Variants in ATXN2L observed in about 807,000 individuals in gnomAD.
ATXN2L encodes ataxin-2-like protein.
A neutral mutation model predicts 120.7 loss-of-function variants in ATXN2L; 24 were observed. That is an observed-to-expected ratio of 0.20 (90% CI 0.14 to 0.28). ATXN2L has a LOEUF of 0.28. Among genes scored for constraint, ATXN2L ranks in the 10% least tolerant of loss-of-function variants. The pLI is 1.00. For synonymous variants in ATXN2L, 653 were observed against 568.1 expected (o/e 1.15, Z -2.13); for missense variants, 1,312 against 1,432.3 (o/e 0.92, Z 1.36).
At position 28,826,652 on chromosome 16, in the gene ATXN2L, T is replaced by C. The variant is rs938443512; in HGVS notation, c.617-210T>C. ...TTTTCTTTGCTTGGTTTTTAACTTCTTTTTTCTTTGGAATCATAGTACTGA... is the reference window on the plus strand; with the variant it reads ...TTTTCTTTGCTTGGTTTTTAACTTCCTTTTTCTTTGGAATCATAGTACTGA... On this transcript the variant is annotated intron_variant, in intron 5 of 21. Transcript: ENST00000336783. The C allele has an allele frequency of 6.0e-6, 4 of 663,854 alleles. No homozygotes were observed. The Admixed American group carries it at 1.3e-4, about 22-fold the overall frequency. 41.1% of individuals were successfully genotyped at this position (663,854 alleles called of 1,614,324 possible). A position where few individuals can be genotyped will look rare whatever the true frequency, so the allele number is the denominator to read the frequency against.
rs897124306 is a variant in ATXN2L, at chr16:28,824,448, C to A, written c.299+890C>A. On this transcript the variant is annotated intron_variant, in intron 1 of 21. Coordinates refer to ENST00000336783, the MANE Select transcript of ATXN2L (RefSeq NM_007245.4). ...GATGGCTTTTGCGGCTGCGCTGTCC[C>A]CCAGCCCCGCCAGCGGCCCCCTCTT... The A allele has an allele frequency of 8.5e-6, 11 of 1,286,978 alleles. No individual in the cohort carries two copies. In the South Asian group the frequency reaches 1.2e-4, roughly 15 times the overall value. 79.7% of individuals were successfully genotyped at this position (1,286,978 alleles called of 1,614,324 possible). A position where few individuals can be genotyped will look rare whatever the true frequency, so the allele number is the denominator to read the frequency against.
rs970040406 is a variant in ATXN2L at position 28,834,000 on chromosome 16, C to T, written c.2026-65C>T. Reference sequence around the variant, plus strand: ...ATTTCACGAATGTTAATTATTACCACTCTAGGCATGGCCAGGAGTAGAGGG... The same window carrying T: ...ATTTCACGAATGTTAATTATTACCATTCTAGGCATGGCCAGGAGTAGAGGG... On this transcript the variant is annotated intron_variant, in intron 15 of 21. Transcript: ENST00000336783. 8 of 1,551,872 alleles carry T rather than the reference C, an allele frequency of 5.2e-6. No individual in the cohort carries two copies. The Admixed American group carries it at 5.4e-5, about 11-fold the overall frequency.
intron 12 of ATXN2L, 50 bp downstream of exon 12, chr16:28,832,617 G>A: frequency 6.3e-7 from 1 of 1,579,866 alleles, no homozygotes. Flanking sequence ...TTGTCTGGGG[G>A]AGAGTATTTC....
At chr16:28,830,527 A>AG (rs2053986744) in intron 8 of ATXN2L, 88 bp from the exon 9 acceptor site, 23 of 1,310,274 alleles carry the variant, frequency 1.8e-5, no homozygotes, top group Non-Finnish European at 2.2e-5. Context: ...TGGGGGCAGA[A>AG]GGGGGAGACT....
At chr16:28,827,944 A>ATTGTT (rs1258766317) in intron 6 of ATXN2L, among the ~76,000 whole-genome samples, 1 of 152,062 alleles carries the variant, frequency 6.6e-6, no homozygotes, top group Non-Finnish European at 1.5e-5. Flanking sequence ...TGAATATATT[A>ATTGTT]TTGTTTTGTT....
At chr16:28,824,220 T>C (rs756872933) in intron 1 of ATXN2L, 2 of 1,091,656 alleles carry the variant, frequency 1.8e-6, no homozygotes, top group Non-Finnish European at 2.3e-6. Context: ...GGGCAGGGAC[T>C]AGTTCGTGGA....
chr16:28,835,834 T>A, intron 21 of ATXN2L, 76 bp downstream of exon 21: 1 of 1,595,646 alleles, frequency 6.3e-7, no homozygotes, highest in Non-Finnish European at 8.6e-7. Flanking sequence ...CATTGCCAAG[T>A]CCCTGGTGCC....
chr16:28,833,787 G>C (rs2055434847), intron 15 of ATXN2L: 1 of 609,120 alleles, frequency 1.6e-6, no homozygotes, highest in Admixed American at 3.0e-5. Flanking sequence ...GGCTGAGGGA[G>C]TATTGGAGTG....
chr16:28,833,968 A>C, intron 15 of ATXN2L, 97 bp from the exon 16 acceptor site: 1 of 1,341,020 alleles, frequency 7.5e-7, no homozygotes, highest in Non-Finnish European at 1.0e-6. Flanking sequence ...TATGTTTGGT[A>C]TGCAGCATTT....
At position 28,834,346 on chromosome 16, in the gene ATXN2L, C is replaced by A. The variant is rs745864476; in HGVS notation, c.2176C>A (p.Pro726Thr). ...TCATCTGTGTCCTCATCCCCAGGCA[C>A]CTCAGATGTATCCATATCCTGTATC... is the stretch of plus-strand genomic sequence containing the variant. ...QIHMGPAVQAPQMYPYPVSNS... is the reference protein window; with the variant it reads ...QIHMGPAVQATQMYPYPVSNS... Residue 726 changes from proline (P) to threonine (T), a missense_variant, in exon 17 of 22, where the codon CCT becomes ACT. By Grantham distance (38) the Pro-to-Thr change is conservative (BLOSUM62 -1). Transcript: ENST00000336783. 3.7e-6 allele frequency: 6 copies of A among 1,613,924 alleles called. No homozygotes were observed. The Admixed American group carries it at 5.0e-5, about 13-fold the overall frequency.
chr16:28,827,703 T>A (rs192479606), intron 6 of ATXN2L, among the ~76,000 whole-genome samples: 2 of 152,280 alleles, frequency 1.3e-5, no homozygotes. Flanking sequence ...ATTGTGCCAC[T>A]GGACTCCAGT....
rs147688158 is a variant in ATXN2L at position 28,834,555 on chromosome 16, G to A, written c.2295G>A (p.Pro765=). Reference sequence around the variant, plus strand: ...ACCAACACCAGCCAGCCTCAGCCCCGCCGATGATGCAGGCCGCCGCGGCTG... The same window carrying A: ...ACCAACACCAGCCAGCCTCAGCCCCACCGATGATGCAGGCCGCCGCGGCTG... ...RSDQHQPASA[P]PMMQAAAAAG... is the part of the protein sequence containing the mutation. Residue 765 remains proline, a synonymous_variant, in exon 18 of 22, where the codon CCG becomes CCA. Transcript: ENST00000336783. The A allele has an allele frequency of 1.1e-4, 174 of 1,612,082 alleles. No homozygotes were observed. The highest frequency in any genetic ancestry group is 4.9e-4 in the Middle Eastern group (3 of 6,082).
Position 28,834,674 on chromosome 16 carries a change from T to TG in ATXN2L, c.2416dup (p.Ala806GlyfsTer225). On this transcript the variant is annotated frameshift_variant, in exon 18 of 22. Coordinates refer to ENST00000336783, the MANE Select transcript of ATXN2L (RefSeq NM_007245.4). LOFTEE classifies it high-confidence loss of function. ...GGCCAGCCAGCCATGATGCAGCCCA[T>TG]GGCCCACTACCCCTCACAGGTGACT... 6.2e-7 allele frequency: 1 copy of TG among 1,613,370 alleles called. No individual in the cohort carries two copies. The highest frequency in any genetic ancestry group is 8.5e-7 in the Non-Finnish European group (1 of 1,179,648).
Position 28,823,068 on chromosome 16 carries a change from T to G in ATXN2L, c.-192T>G, listed in dbSNP as rs2050190773. ...CCTCCAGCCGCGAGACCCCCTCCCCTTCCGCCTCGCGGCGCTTCCTCGCGC... is the reference window on the plus strand; with the variant it reads ...CCTCCAGCCGCGAGACCCCCTCCCCGTCCGCCTCGCGGCGCTTCCTCGCGC... On this transcript the variant is annotated 5_prime_UTR_variant, in exon 1 of 22. Coordinates refer to ENST00000336783, the MANE Select transcript of ATXN2L (RefSeq NM_007245.4). The G allele has an allele frequency of 4.0e-5, 12 of 296,650 alleles. No homozygotes were observed. The highest frequency in any genetic ancestry group is 1.1e-4 in the East Asian group (2 of 19,020). 18.4% of individuals were successfully genotyped at this position (296,650 alleles called of 1,614,324 possible). A position where few individuals can be genotyped will look rare whatever the true frequency, so the allele number is the denominator to read the frequency against.
At position 28,836,572 on chromosome 16, in the gene ATXN2L, C is replaced by G; in HGVS notation, c.*307C>G. The stretch of plus-strand genomic sequence containing the variant: ...GTGAGGGCTCTGGCTTACTGGGAAA[C>G]AGCGATTGACCTGTGCTTCTGACAG... On this transcript the variant is annotated 3_prime_UTR_variant, in exon 22 of 22. Transcript: ENST00000336783. The G allele has an allele frequency of 6.4e-7, 1 of 1,567,674 alleles. No homozygotes were observed. Among genetic ancestry groups the G allele is most frequent in the East Asian group, 2.3e-5 (1 of 43,824 alleles).
At chr16:28,829,607 G>A (rs1393852479) in intron 7 of ATXN2L, 115 bp downstream of exon 7, 4 of 860,418 alleles carry the variant, frequency 4.6e-6, no homozygotes, top group Non-Finnish European at 7.5e-6. Flanking sequence ...GTCCAGGGTC[G>A]CCATCCCTAC....
intron 5 of ATXN2L, 63 bp from the exon 6 acceptor site, chr16:28,826,799 G>C (rs1467759922): frequency 6.8e-6 from 10 of 1,480,328 alleles, no homozygotes; most frequent in Non-Finnish European, 9.0e-6. Flanking sequence ...TGGGGTTGGG[G>C]GATATTGGAA....
chr16:28,828,390 T>C (rs1208803966), intron 6 of ATXN2L, among the ~76,000 whole-genome samples: 1 of 152,076 alleles, frequency 6.6e-6, no homozygotes, highest in Admixed American at 6.6e-5. Flanking sequence ...AGTTTGGAAC[T>C]AGCCTGACCA....
At chr16:28,829,678 C>T (rs2053631657) in intron 7 of ATXN2L, 180 bp from the exon 8 acceptor site, 3 of 772,996 alleles carry the variant, frequency 3.9e-6, no homozygotes. Context: ...GTGCTTCTCA[C>T]ATTCCCAGAT....
Sources: allele counts gnomAD v4.1 joint callset (sites outside exome capture counted in the v4.1 genomes callset), GRCh38; gene constraint gnomAD v4.1.1; transcripts MANE v1.5; gene names NCBI Gene and HGNC (gene_info 2026-07-23, HGNC 2026-07-21).